ASCC3: variants seen among roughly 807,000 people sequenced by gnomAD.
ASCC3 encodes activating signal cointegrator 1 complex subunit 3.
ASCC3 carries 158 observed loss-of-function variants against 256.3 expected under a neutral mutation model. The observed-to-expected ratio is 0.62, with a 90% CI of 0.54 to 0.70. The LOEUF is 0.70. ASCC3 is among the 30% of genes least tolerant of loss of function. The probability of loss-of-function intolerance (pLI) is 0.00; values close to 1 mark genes in which losing one functional copy is unlikely to be tolerated. For synonymous variants in ASCC3, 948 were observed against 883.4 expected (o/e 1.07, Z -1.30); for missense variants, 2,259 against 2,626.0 (o/e 0.86, Z 3.05).
intron 10 of ASCC3, among the ~76,000 whole-genome samples, chr6:100,740,997 G>C (rs1780410297): frequency 6.6e-6 from 1 of 152,034 alleles, no homozygotes. Flanking sequence ...TTAATTCAAT[G>C]TGTTTTTGTA....
intron 30 of ASCC3, among the ~76,000 whole-genome samples, chr6:100,618,610 C>A (rs548165446): frequency 9.0e-4 from 137 of 152,258 alleles, no homozygotes; most frequent in African/African-American, 2.6e-3. Context: ...CTTTTCCTCA[C>A]GAAGGCCCAG....
At chr6:100,858,743 T>C (rs1773079605) in intron 3 of ASCC3, 4 of 1,042,808 alleles carry the variant, frequency 3.8e-6, no homozygotes, top group Middle Eastern at 4.4e-4. Context: ...AGTATGCTTC[T>C]CCTGAGATTT....
intron 14 of ASCC3, among the ~76,000 whole-genome samples, chr6:100,666,461 C>A (rs1776480841): frequency 6.6e-6 from 1 of 152,164 alleles, no homozygotes; most frequent in Non-Finnish European, 1.5e-5. Context: ...GTTCCAGTTG[C>A]TTCCCATACT....
chr6:100,662,099 T>C (rs996437847), intron 15 of ASCC3, 69 bp from the exon 16 acceptor site: 7 of 1,450,118 alleles, frequency 4.8e-6, no homozygotes, highest in African/African-American at 1.4e-5. Flanking sequence ...AACTGAATAC[T>C]GAAATTAGGC....
chr6:100,526,313 G>T (rs1230967833), intron 37 of ASCC3, among the ~76,000 whole-genome samples: 2 of 152,150 alleles, frequency 1.3e-5, no homozygotes, highest in East Asian at 3.9e-4. Context: ...TCACACAAAT[G>T]GGTTAAGCAT....
chr6:100,594,550 G>A (rs1269547476), intron 34 of ASCC3, among the ~76,000 whole-genome samples: 1 of 152,118 alleles, frequency 6.6e-6, no homozygotes, highest in Non-Finnish European at 1.5e-5. Flanking sequence ...CAAGAATGTG[G>A]AGAAAGGGGA....
chr6:100,634,864 CA>C lies in ASCC3; in HGVS notation c.4123-3652del, dbSNP rs199632200. Among the ~76,000 whole-genome samples, 844 of 119,350 alleles carry C rather than the reference CA, an allele frequency of 7.1e-3. 3 individuals are homozygous for C. The highest frequency in any genetic ancestry group is 0.026 in the African/African-American group (732 of 28,614). The allele number at this position is 119,350 out of a possible 152,430, so 78.3% of individuals were successfully genotyped here. On this transcript the variant is annotated intron_variant, in intron 25 of 41. Transcript: ENST00000369162. ...AGCGAGACCCCATCTCCTCAAAAAA[CA>C]AAAAAAAAAAAAAAAAAGAAAAGAA...
intron 13 of ASCC3, among the ~76,000 whole-genome samples, chr6:100,711,162 C>T (rs1778837385): frequency 1.3e-5 from 2 of 152,100 alleles, no homozygotes; most frequent in Admixed American, 6.6e-5. Context: ...ACCTCCTTAC[C>T]TGGTCATTAA....
chr6:100,781,693 A>G (rs997429517), intron 8 of ASCC3, among the ~76,000 whole-genome samples: 6 of 151,640 alleles, frequency 4.0e-5, no homozygotes, highest in African/African-American at 1.5e-4. Flanking sequence ...CGGCCAGTAC[A>G]TTTGTTCTTA....
chr6:100,766,793 G>T, intron 9 of ASCC3, 88 bp from the exon 10 acceptor site: 1 of 1,495,752 alleles, frequency 6.7e-7, no homozygotes, highest in Non-Finnish European at 9.3e-7. Flanking sequence ...ACAATTTATT[G>T]TGAAATATGT....
In ASCC3 at chr6:100,805,790, A is replaced by C; in HGVS notation, c.892T>G (p.Ser298Ala). Reference sequence around the variant, plus strand: ...AGAGCCTGAAACCTATGATCATTTGAAGAATTAAGAAATCTATCCACAATT... The same window carrying C: ...AGAGCCTGAAACCTATGATCATTTGCAGAATTAAGAAATCTATCCACAATT... ...ITIVDRFLNSSNDHRFQALQD... is the reference protein window; with the variant it reads ...ITIVDRFLNSANDHRFQALQD... The change falls in exon 5 of 42, where the codon TCA becomes GCA. Residue 298 changes from serine to alanine, a missense_variant. Physicochemically the swap from Ser to Ala is moderately conservative, Grantham distance 99 (BLOSUM62 1). Transcript: ENST00000369162. 1 of 1,611,322 alleles carries C rather than the reference A, an allele frequency of 6.2e-7. No individual in the cohort carries two copies. Among genetic ancestry groups the C allele is most frequent in the African/African-American group, 1.3e-5 (1 of 74,928 alleles).
chr6:100,809,244 A>G (rs1481133437), intron 4 of ASCC3, among the ~76,000 whole-genome samples: 1 of 152,042 alleles, frequency 6.6e-6, no homozygotes, highest in East Asian at 1.9e-4. Context: ...TAAACTTTAC[A>G]TTTAACTGTT....
At chr6:100,524,707 G>A (rs1774478122) in intron 37 of ASCC3, among the ~76,000 whole-genome samples, 1 of 151,860 alleles carries the variant, frequency 6.6e-6, no homozygotes, top group Non-Finnish European at 1.5e-5. Context: ...GTGGCTGTAG[G>A]GTGTATTCAT....
At chr6:100,519,387 A>T (rs1275412656) in intron 37 of ASCC3, among the ~76,000 whole-genome samples, 1 of 152,108 alleles carries the variant, frequency 6.6e-6, no homozygotes, top group East Asian at 1.9e-4. Flanking sequence ...GTGTGTGTGT[A>T]TGAATGTGTA....
chr6:100,829,218 C>A (rs1434890917), intron 4 of ASCC3, among the ~76,000 whole-genome samples: 1 of 152,170 alleles, frequency 6.6e-6, no homozygotes, highest in Non-Finnish European at 1.5e-5. Context: ...GCCAGACCCG[C>A]ACCGTGCACC....
intron 37 of ASCC3, among the ~76,000 whole-genome samples, chr6:100,520,465 C>A (rs1182839736): frequency 6.6e-6 from 1 of 151,210 alleles, no homozygotes; most frequent in Non-Finnish European, 1.5e-5. Context: ...AAACAAATAC[C>A]ATTCCTTGTA....
intron 38 of ASCC3, 70 bp downstream of exon 38, chr6:100,517,918 AGTG>A (rs1582374667): frequency 7.4e-6 from 11 of 1,493,540 alleles, no homozygotes; most frequent in Non-Finnish European, 1.0e-5. Context: ...ATAAAATTTC[AGTG>A]ACTACATATA....
chr6:100,815,741 A>C (rs2114402073), intron 4 of ASCC3, among the ~76,000 whole-genome samples: 1 of 152,118 alleles, frequency 6.6e-6, no homozygotes, highest in South Asian at 2.1e-4. Context: ...GGAAGATTGA[A>C]TCTTCCTTAC....
At chr6:100,872,925 C>T (rs1773817821) in intron 1 of ASCC3, among the ~76,000 whole-genome samples, 1 of 152,106 alleles carries the variant, frequency 6.6e-6, no homozygotes, top group Admixed American at 6.5e-5. Flanking sequence ...ACAGACCCTA[C>T]CCAAATGAGA....
Sources: gnomAD v4.1 joint callset for allele counts (sites outside exome capture counted in the v4.1 genomes callset) on GRCh38, gnomAD v4.1.1 for gene constraint, MANE v1.5 for transcripts, NCBI Gene and HGNC (gene_info 2026-07-23, HGNC 2026-07-21) for gene names.